The following PLEKHG6 variants were observed in gnomAD, a reference collection of about 807,000 sequenced individuals.
PLEKHG6 encodes the protein pleckstrin homology domain-containing family G member 6.
Under a neutral mutation model 97.5 loss-of-function variants are expected in PLEKHG6, and 91 were observed. That is an observed-to-expected ratio of 0.93 (90% confidence interval 0.79 to 1.11). The LOEUF (loss-of-function observed/expected upper bound fraction) is 1.11. Among genes scored for constraint, PLEKHG6 ranks in the 50% most tolerant of loss-of-function variants. The pLI is 0.00. For missense variants in PLEKHG6, 1,044 were observed against 1,031.0 expected (o/e 1.01, Z -0.17); for synonymous variants, 466 against 425.5 (o/e 1.10, Z -1.17).
At chr12:6,312,433 T>A (rs1310888743) in intron 2 of PLEKHG6, 69 bp downstream of exon 2, 8 of 1,465,766 alleles carry the variant, frequency 5.5e-6, no homozygotes, top group Non-Finnish European at 7.3e-6. Flanking sequence ...CTGTGGAGTC[T>A]CTGTCCCCTT....
intron 9 of PLEKHG6, 25 bp from the exon 10 acceptor site, chr12:6,317,832 C>T (rs1565457726): frequency 6.5e-7 from 1 of 1,541,276 alleles, no homozygotes; most frequent in Non-Finnish European, 8.8e-7. Flanking sequence ...GCCGTCCCTC[C>T]TCCCACACCC....
At chr12:6,322,879 T>TA (rs58339954) in intron 13 of PLEKHG6, among the ~76,000 whole-genome samples, 8,659 of 142,712 alleles carry the variant, frequency 0.061, 754 homozygotes, top group African/African-American at 0.19. Context: ...AGACCTTGTC[T>TA]AAAAAAAAAA....
chr12:6,312,559 G>C (rs1947310629), intron 2 of PLEKHG6, 195 bp downstream of exon 2: 4 of 1,191,198 alleles, frequency 3.4e-6, no homozygotes, highest in Non-Finnish European at 3.3e-6. Context: ...CCCAGTCCCA[G>C]CAGCTGGGCA....
At position 6,317,970 on chromosome 12, in the gene PLEKHG6, G is replaced by A. The variant is rs1314867600; in HGVS notation, c.1131G>A (p.Glu377=). Residue 377 remains glutamate (E), a synonymous_variant, in exon 10 of 16, where the codon GAG becomes GAA. Transcript: ENST00000684764. ...GCATCGGGCCCTACGAGGTGCTGGA[G>A]CCACCCAGTGATGAGGTGGAGAAGG... ...AQRIGPYEVL[E]PPSDEVEKNL... The A allele has an allele frequency of 6.3e-7, 1 of 1,590,066 alleles. No individual in the cohort carries two copies. Among genetic ancestry groups the A allele is most frequent in the Non-Finnish European group, 8.6e-7 (1 of 1,168,410 alleles).
chr12:6,318,799 C>T lies in PLEKHG6; in HGVS notation c.1330C>T (p.Arg444Cys), dbSNP rs1470393252. 7.4e-6 allele frequency: 12 copies of T among 1,614,150 alleles called. No homozygotes were observed. Among genetic ancestry groups the T allele is most frequent in the South Asian group, 1.1e-5 (1 of 91,082 alleles). ...TGTGCTCCTTGTGACCAAGCCCCAG[C>T]GCAAGGCGGACAAAGCCAAGGTCAT... is the stretch of plus-strand genomic sequence containing the variant. ...SDVLLVTKPQ[R>C]KADKAKVIRP... The change falls in exon 12 of 16, where the codon CGC (arginine) becomes TGC (cysteine). Residue 444 changes from arginine to cysteine, a missense_variant. Arg to Cys is a radical substitution (Grantham distance 180). Coordinates refer to ENST00000684764, the MANE Select transcript of PLEKHG6 (RefSeq NM_001384598.1).
In PLEKHG6 at chr12:6,326,547, G is replaced by A. The variant is rs780578688; in HGVS notation, c.1644G>A (p.Glu548=). Residue 548 remains glutamate, a synonymous_variant, in exon 14 of 16, where the codon GAG becomes GAA. Coordinates refer to ENST00000684764, the MANE Select transcript of PLEKHG6 (RefSeq NM_001384598.1). The part of the protein sequence containing the change: ...PSTRPSTPSL[E]GSQSSAEGRT... ...CCAGGCCCTCCACGCCTTCCCTGGA[G>A]GGCTCTCAGAGCAGCGCAGAGGGGA... 9 of 1,573,334 alleles carry A rather than the reference G, an allele frequency of 5.7e-6. No individual in the cohort carries two copies. Among genetic ancestry groups the A allele is most frequent in the Non-Finnish European group, 7.7e-6 (9 of 1,164,038 alleles).
intron 1 of PLEKHG6, 180 bp downstream of exon 1, chr12:6,311,028 G>A (rs1947243230): frequency 6.6e-6 from 1 of 152,404 alleles, no homozygotes; most frequent in African/African-American, 2.4e-5. Context: ...CCCTCAGAGG[G>A]AGGACTATTG....
intron 13 of PLEKHG6, among the ~76,000 whole-genome samples, chr12:6,323,560 A>C (rs1947768631): frequency 6.6e-6 from 1 of 152,226 alleles, no homozygotes; most frequent in Non-Finnish European, 1.5e-5. Flanking sequence ...ATCTTGGGGA[A>C]TGCCCAGGGA....
At chr12:6,321,560 C>T (rs79689964) in intron 13 of PLEKHG6, among the ~76,000 whole-genome samples, 2 of 150,674 alleles carry the variant, frequency 1.3e-5, no homozygotes, top group South Asian at 2.1e-4. Context: ...GGGAAGAGGC[C>T]GGGCGCGGTG....
Position 6,316,305 on chromosome 12 carries a change from C to G in PLEKHG6, c.657C>G (p.His219Gln), listed in dbSNP as rs1947455585. 2 of 1,556,646 alleles carry G rather than the reference C, an allele frequency of 1.3e-6. No individual in the cohort carries two copies. Among genetic ancestry groups the G allele is most frequent in the Non-Finnish European group, 1.7e-6 (2 of 1,149,240 alleles). The change falls in exon 7 of 16, where the codon CAC becomes CAG. Residue 219 changes from histidine (H) to glutamine (Q), a missense_variant. By Grantham distance (24) the His-to-Gln change is conservative. Transcript: ENST00000684764. The surrounding 1 kb of genome is among the most constrained non-coding windows in gnomAD (Gnocchi z 4.1). ...ATGTCCCCAGCCTGATTCGAACCCACCGGAGCTTTTGGGATGAGGTGCTGG... is the reference window on the plus strand; with the variant it reads ...ATGTCCCCAGCCTGATTCGAACCCAGCGGAGCTTTTGGGATGAGGTGCTGG... ...FGNVPSLIRTHRSFWDEVLGP... is the reference protein window; with the variant it reads ...FGNVPSLIRTQRSFWDEVLGP...
chr12:6,327,998 A>G (rs998901540), intron 15 of PLEKHG6, 52 bp downstream of exon 15: 1 of 1,502,488 alleles, frequency 6.7e-7, no homozygotes, highest in African/African-American at 1.6e-5. Context: ...GGATGTCTGT[A>G]TGGTGGTGGG....
At chr12:6,310,345 A>C (rs531344838), upstream of PLEKHG6, 3 of 152,456 alleles carry the variant, frequency 2.0e-5, no homozygotes, top group African/African-American at 4.8e-5. Flanking sequence ...ACTCGCCGCG[A>C]CCAGCAGGAG....
intron 13 of PLEKHG6, among the ~76,000 whole-genome samples, chr12:6,324,583 C>T (rs1214892624): frequency 6.6e-6 from 1 of 152,148 alleles, no homozygotes; most frequent in African/African-American, 2.4e-5. Context: ...AGAGGGAGTC[C>T]TGCCCCAGGT....
In PLEKHG6 at chr12:6,316,872, G is replaced by A. The variant is rs1188282415; in HGVS notation, c.757-431G>A. Among the ~76,000 whole-genome samples, 2 of 152,220 alleles carry A rather than the reference G, an allele frequency of 1.3e-5. No homozygotes were observed. Among genetic ancestry groups the A allele is most frequent in the African/African-American group, 2.4e-5 (1 of 41,456 alleles). ...CAGGAAAAAGTTGCAGTGGGGTAGA[G>A]AGGTAGGCGTACTGCCCCTGGGAGC... On this transcript the variant is annotated intron_variant, in intron 7 of 15. Coordinates refer to ENST00000684764, the MANE Select transcript of PLEKHG6 (RefSeq NM_001384598.1). The surrounding 1 kb of genome is among the most constrained non-coding windows in gnomAD (Gnocchi z 4.1).
At position 6,327,492 on chromosome 12, in the gene PLEKHG6, G is replaced by A. The variant is rs140456993; in HGVS notation, c.1909G>A (p.Asp637Asn). Residue 637 changes from aspartate to asparagine, a missense_variant, in exon 15 of 16, where the codon GAC becomes AAC. Coordinates refer to ENST00000684764, the MANE Select transcript of PLEKHG6 (RefSeq NM_001384598.1). ...CATCCCTCTGCGTCCCCACCCTCCCGACCCCCAAGCTCCTCAACGCCGAAG... is the reference window on the plus strand; with the variant it reads ...CATCCCTCTGCGTCCCCACCCTCCCAACCCCCAAGCTCCTCAACGCCGAAG... ...RDIPLRPHPPDPQAPQRRSAP... is the reference protein window; with the variant it reads ...RDIPLRPHPPNPQAPQRRSAP... The A allele has an allele frequency of 3.5e-4, 113 of 324,402 alleles. No homozygotes were observed. Among genetic ancestry groups the A allele is most frequent in the African/African-American group, 2.1e-3 (57 of 27,520 alleles). The allele number at this position is 324,402 out of a possible 1,614,324, so 20.1% of individuals were successfully genotyped here.
rs776364496 is a variant in PLEKHG6, at chr12:6,318,852, C to T, written c.1383C>T (p.Leu461=). 7.4e-6 allele frequency: 12 copies of T among 1,614,088 alleles called. No homozygotes were observed. In the East Asian group the frequency reaches 8.9e-5, roughly 12 times the overall value. ...VIRPPLMLEK[L]VCQPLRDPNS... Reference sequence around the variant, plus strand: ...GACCCCCTCTCATGCTGGAGAAGCTCGTGTGCCAACCCCTGCGAGACCCCA... The same window carrying T: ...GACCCCCTCTCATGCTGGAGAAGCTTGTGTGCCAACCCCTGCGAGACCCCA... The change falls in exon 12 of 16, where the codon CTC becomes CTT. Residue 461 remains leucine (L), a synonymous_variant. Coordinates refer to ENST00000684764, the MANE Select transcript of PLEKHG6 (RefSeq NM_001384598.1).
At position 6,328,147 on chromosome 12, in the gene PLEKHG6, G is replaced by A. The variant is rs1421231876; in HGVS notation, c.*2G>A. Reference sequence around the variant, plus strand: ...TCCTGTCTTTTCAGAGAGGTATGAGGAATGCAGAGGACCTTTGGCATGCAT... The same window carrying A: ...TCCTGTCTTTTCAGAGAGGTATGAGAAATGCAGAGGACCTTTGGCATGCAT... On this transcript the variant is annotated 3_prime_UTR_variant, in exon 16 of 16. Coordinates refer to ENST00000684764, the MANE Select transcript of PLEKHG6 (RefSeq NM_001384598.1). 1 of 1,614,006 alleles carries A rather than the reference G, an allele frequency of 6.2e-7. No homozygotes were observed. Among genetic ancestry groups the A allele is most frequent in the South Asian group, 1.1e-5 (1 of 91,072 alleles).
intron 11 of PLEKHG6, 68 bp downstream of exon 11, chr12:6,318,488 G>A (rs1456423173): frequency 3.7e-5 from 57 of 1,522,808 alleles, no homozygotes; most frequent in Non-Finnish European, 4.5e-5. Flanking sequence ...CAGAAACGCC[G>A]GAAGTGGGAG....
chr12:6,315,229 T>C lies in PLEKHG6; in HGVS notation c.459+60T>C. 2 of 1,515,134 alleles carry C rather than the reference T, an allele frequency of 1.3e-6. No homozygotes were observed. The highest frequency in any genetic ancestry group is 2.4e-5 in the South Asian group (2 of 84,076). The allele number at this position is 1,515,134 out of a possible 1,614,324, so 93.9% of individuals were successfully genotyped here. ...ACGGCGTGAATGCACACACAGATTC[T>C]GCTCTAGAGGAGGGAAAGGCCTTGG... On this transcript the variant is annotated intron_variant, in intron 4 of 15. Transcript: ENST00000684764. This position sits in a 1 kb window ranked among gnomAD's most constrained non-coding sequence, Gnocchi z 4.5.
Sources: allele counts gnomAD v4.1 joint callset (sites outside exome capture counted in the v4.1 genomes callset), GRCh38; gene constraint gnomAD v4.1.1; non-coding constraint Gnocchi (gnomAD v3.1); transcripts MANE v1.5; gene names NCBI Gene and HGNC (gene_info 2026-07-23, HGNC 2026-07-21).